Variants in AKAP6 observed in about 807,000 individuals in gnomAD.
AKAP6 encodes the protein A-kinase anchor protein 6.
A neutral mutation model predicts 188.5 loss-of-function variants in AKAP6; 58 were observed. The ratio of observed to expected loss-of-function variants is 0.31; its 90% CI spans 0.25 to 0.38. The LOEUF (loss-of-function observed/expected upper bound fraction) is 0.38, where lower values mean the gene tolerates loss of function less well. Ranked by LOEUF, AKAP6 falls within the 10% of genes least tolerant of loss-of-function variation. The pLI, the probability that AKAP6 is intolerant of heterozygous loss-of-function variation, is 1.00. For synonymous variants in AKAP6, 989 were observed against 998.6 expected, an observed-to-expected ratio of 0.99 and a Z score of 0.18; for missense variants, 2,710 against 2,740.0, an observed-to-expected ratio of 0.99 and a Z score of 0.24.
At chr14:32,559,755 G>A (rs530421645) in intron 4 of AKAP6, among the ~76,000 whole-genome samples, 4 of 150,966 alleles carry the variant, frequency 2.6e-5, no homozygotes, top group South Asian at 2.1e-4. Context: ...GTACAGTTGC[G>A]GTTGGGAGGT....
chr14:32,458,246 T>G (rs1479328354), intron 2 of AKAP6, among the ~76,000 whole-genome samples: 2 of 152,172 alleles, frequency 1.3e-5, no homozygotes, highest in African/African-American at 4.8e-5. Flanking sequence ...TATGTACATC[T>G]TTAATATATG....
chr14:32,697,505 T>C (rs1594858265), intron 9 of AKAP6, among the ~76,000 whole-genome samples: 1 of 152,164 alleles, frequency 6.6e-6, no homozygotes, highest in South Asian at 2.1e-4. Flanking sequence ...GAATTACATA[T>C]GAAAACGTGC....
intron 11 of AKAP6, among the ~76,000 whole-genome samples, chr14:32,740,832 C>G (rs1302278990): frequency 6.6e-6 from 1 of 151,904 alleles, no homozygotes; most frequent in African/African-American, 2.4e-5. Flanking sequence ...CTCAGGATAG[C>G]TTTAGCTATT....
intron 1 of AKAP6, among the ~76,000 whole-genome samples, chr14:32,370,016 A>G (rs1422302717): frequency 6.6e-6 from 1 of 152,202 alleles, no homozygotes; most frequent in Non-Finnish European, 1.5e-5. Context: ...GGGCGAAAAG[A>G]GCGAAACTCC....
chr14:32,355,902 G>A (rs1887467419), intron 1 of AKAP6, among the ~76,000 whole-genome samples: 1 of 151,890 alleles, frequency 6.6e-6, no homozygotes, highest in African/African-American at 2.4e-5. Flanking sequence ...AACCTCCCAA[G>A]TAGCTGGGAT....
chr14:32,362,934 G>A (rs1249326977), intron 1 of AKAP6, among the ~76,000 whole-genome samples: 1 of 152,158 alleles, frequency 6.6e-6, no homozygotes, highest in Non-Finnish European at 1.5e-5. Context: ...AGTAGAGAGA[G>A]CCAGTACTTC....
chr14:32,656,799 A>T (rs951714023), intron 7 of AKAP6, among the ~76,000 whole-genome samples: 1 of 152,130 alleles, frequency 6.6e-6, no homozygotes, highest in Non-Finnish European at 1.5e-5. Flanking sequence ...TGAACTTAAA[A>T]CCTACAAGGA....
chr14:32,713,409 T>C (rs1257972258), intron 9 of AKAP6, among the ~76,000 whole-genome samples: 1 of 152,006 alleles, frequency 6.6e-6, no homozygotes, highest in Middle Eastern at 3.2e-3. Context: ...CCTTTGAAGC[T>C]TTGAAGCTAG....
Position 32,611,797 on chromosome 14 carries a change from C to G in AKAP6, c.2730+11005C>G, listed in dbSNP as rs140569585. ...CATGTTTATAGACTGAAGAATAGGACTAGTGAAAAAGGGACACTTGAAGAA... is the reference window on the plus strand; with the variant it reads ...CATGTTTATAGACTGAAGAATAGGAGTAGTGAAAAAGGGACACTTGAAGAA... On this transcript the variant is annotated intron_variant, in intron 7 of 13. Coordinates refer to ENST00000280979, the MANE Select transcript of AKAP6 (RefSeq NM_004274.5). 4.5e-3 allele frequency among the ~76,000 whole-genome samples: 683 copies of G among 151,978 alleles called. 5 individuals carry two copies. Among genetic ancestry groups the G allele is most frequent in the African/African-American group, 0.016 (660 of 41,436 alleles).
intron 12 of AKAP6, among the ~76,000 whole-genome samples, chr14:32,797,972 G>C (rs2140077635): frequency 6.9e-6 from 1 of 145,416 alleles, no homozygotes; most frequent in African/African-American, 2.5e-5. Flanking sequence ...TACAGAATTG[G>C]AGAAAAGATC....
intron 4 of AKAP6, among the ~76,000 whole-genome samples, chr14:32,556,665 T>TTA (rs1268603158): frequency 6.6e-6 from 1 of 152,198 alleles, no homozygotes; most frequent in African/African-American, 2.4e-5. Flanking sequence ...TAACACCTTA[T>TTA]TATATGTATG....
chr14:32,773,940 C>T, intron 12 of AKAP6, 47 bp downstream of exon 12: 2 of 1,564,052 alleles, frequency 1.3e-6, no homozygotes, highest in Non-Finnish European at 1.8e-6. Context: ...TTTTCTCAGA[C>T]AAAAAATAAT....
chr14:32,370,181 T>C (rs1184399437), intron 1 of AKAP6, among the ~76,000 whole-genome samples: 1 of 152,234 alleles, frequency 6.6e-6, no homozygotes, highest in African/African-American at 2.4e-5. Context: ...CTGAAACACC[T>C]GCCATCTGTC....
intron 12 of AKAP6, among the ~76,000 whole-genome samples, chr14:32,816,684 C>T (rs17099579): frequency 0.22 from 32,916 of 152,012 alleles, 3,837 homozygotes; most frequent in East Asian, 0.35. Flanking sequence ...TTATTTTCTC[C>T]CACCTCTCCA....
At chr14:32,453,612 T>TGAG in intron 2 of AKAP6, among the ~76,000 whole-genome samples, 1 of 85,624 alleles carries the variant, frequency 1.2e-5, no homozygotes, top group African/African-American at 4.4e-5. Context: ...TTTTTTTTTT[T>TGAG]TTGAGACGGA....
At chr14:32,369,797 G>C (rs1234709758) in intron 1 of AKAP6, among the ~76,000 whole-genome samples, 2 of 152,176 alleles carry the variant, frequency 1.3e-5, no homozygotes, top group African/African-American at 4.8e-5. Flanking sequence ...TTGGGAGGCC[G>C]AGGTGGGTGG....
rs74041698 is a variant in AKAP6, at chr14:32,768,896, G to A, written c.3373-4782G>A. Among the ~76,000 whole-genome samples the A allele has an allele frequency of 4.3e-3, 651 of 152,088 alleles. 2 individuals are homozygous for A. The highest frequency in any genetic ancestry group is 0.017 in the Middle Eastern group (5 of 294). ...GTTCTAACAAGTTTCTGGGTGATGT[G>A]AATACTGCTTGGCGTGGGCACCGTA... On this transcript the variant is annotated intron_variant, in intron 11 of 13. Coordinates refer to ENST00000280979, the MANE Select transcript of AKAP6 (RefSeq NM_004274.5).
chr14:32,557,687 G>T (rs773380339), intron 4 of AKAP6, among the ~76,000 whole-genome samples: 1 of 152,126 alleles, frequency 6.6e-6, no homozygotes, highest in Non-Finnish European at 1.5e-5. Context: ...TGAGGCTATG[G>T]AATTCCACTT....
At chr14:32,676,898 A>G (rs1043777327) in intron 7 of AKAP6, among the ~76,000 whole-genome samples, 2 of 152,152 alleles carry the variant, frequency 1.3e-5, no homozygotes, top group Non-Finnish European at 1.5e-5. Flanking sequence ...CAGTCATGCA[A>G]TCTTGGCTCA....
Sources: allele counts gnomAD v4.1 joint callset (sites outside exome capture counted in the v4.1 genomes callset), GRCh38; gene constraint gnomAD v4.1.1; transcripts MANE v1.5; gene names NCBI Gene and HGNC (gene_info 2026-07-23, HGNC 2026-07-21).